Variants in CELF2 observed in about 807,000 individuals in gnomAD.
CELF2 encodes CUG triplet repeat RNA-binding protein 2.
In CELF2, 8 loss-of-function variants were observed where a neutral mutation model predicts 62.6. That is an observed-to-expected ratio of 0.13 (90% CI 0.07 to 0.23). CELF2 has a LOEUF of 0.23. Among genes scored for constraint, CELF2 ranks in the 10% least tolerant of loss-of-function variants. The pLI, the probability that CELF2 is intolerant of heterozygous loss-of-function variation, is 1.00. For synonymous variants in CELF2, 258 were observed against 250.0 expected (o/e 1.03, Z -0.30); for missense variants, 333 against 671.0 (o/e 0.50, Z 5.56).
At chr10:11,104,254 A>G (rs1405792161) in intron 1 of CELF2, among the ~76,000 whole-genome samples, 1 of 152,232 alleles carries the variant, frequency 6.6e-6, no homozygotes, top group African/African-American at 2.4e-5. Flanking sequence ...ATGTCCTAGA[A>G]TCTATTATAA....
chr10:10,693,755 G>C, the CELF2 span, among the ~76,000 whole-genome samples: 3 of 151,304 alleles, frequency 2.0e-5, no homozygotes, highest in Admixed American at 6.6e-5. Flanking sequence ...TGTATGTGTC[G>C]AGGAATTTAT....
chr10:10,886,237 A>G (rs981929746), intron 1 of CELF2, among the ~76,000 whole-genome samples: 1 of 152,030 alleles, frequency 6.6e-6, no homozygotes, highest in African/African-American at 2.4e-5. Flanking sequence ...AGCCCAAGTT[A>G]GTTATACCAG....
chr10:10,650,749 C>T, the CELF2 span, among the ~76,000 whole-genome samples: 2 of 152,202 alleles, frequency 1.3e-5, no homozygotes. Flanking sequence ...AATGATGCAA[C>T]CACTTTGGAA....
chr10:11,062,128 C>T (rs576168665), intron 1 of CELF2, among the ~76,000 whole-genome samples: 30 of 152,152 alleles, frequency 2.0e-4, no homozygotes, highest in African/African-American at 3.6e-4. Flanking sequence ...TTTATGCCTA[C>T]GGTTGAGACC....
chr10:10,598,383 T>C, the CELF2 span, among the ~76,000 whole-genome samples: 2 of 152,218 alleles, frequency 1.3e-5, no homozygotes, highest in African/African-American at 4.8e-5. Flanking sequence ...CTTCAGGGAA[T>C]TGGCAGTGAG....
intron 1 of CELF2, among the ~76,000 whole-genome samples, chr10:10,872,671 C>CA (rs539073613): frequency 0.011 from 1,694 of 150,722 alleles, 37 homozygotes; most frequent in African/African-American, 0.038. Context: ...ACAACAACAA[C>CA]AACAAAAAAC....
At chr10:11,197,422 A>G (rs1210527389) in intron 2 of CELF2, among the ~76,000 whole-genome samples, 5 of 152,270 alleles carry the variant, frequency 3.3e-5, no homozygotes, top group African/African-American at 7.2e-5. Flanking sequence ...TAAAATAAAC[A>G]GATACTAGGG....
intron 1 of CELF2, among the ~76,000 whole-genome samples, chr10:10,824,585 C>G (rs1258680976): frequency 6.6e-6 from 1 of 152,226 alleles, no homozygotes; most frequent in Non-Finnish European, 1.5e-5. Context: ...TGCACATTCT[C>G]TAACTGGAGC....
At chr10:11,254,229 CG>C (rs2078014186) in intron 4 of CELF2, among the ~76,000 whole-genome samples, 1 of 152,206 alleles carries the variant, frequency 6.6e-6, no homozygotes, top group Non-Finnish European at 1.5e-5. Flanking sequence ...AGAAGAAAGC[CG>C]GGTGTGTTCA....
chr10:10,610,282 C>T, the CELF2 span, among the ~76,000 whole-genome samples: 2 of 152,188 alleles, frequency 1.3e-5, no homozygotes, highest in African/African-American at 2.4e-5. Flanking sequence ...TTAAGATATT[C>T]ATGGTATGAA....
the CELF2 span, among the ~76,000 whole-genome samples, chr10:10,733,717 T>G: frequency 7.9e-5 from 12 of 152,106 alleles, no homozygotes; most frequent in Non-Finnish European, 1.2e-4. Flanking sequence ...TATAAAACCA[T>G]CAGATCTTGT....
chr10:10,945,529 C>G (rs576463469), intron 2 of CELF2, among the ~76,000 whole-genome samples: 1 of 152,154 alleles, frequency 6.6e-6, no homozygotes, highest in African/African-American at 2.4e-5. Flanking sequence ...AGAGACAAGC[C>G]GAGAACTACC....
At chr10:10,752,684 G>A in the CELF2 span, among the ~76,000 whole-genome samples, 14,282 of 79,336 alleles carry the variant, frequency 0.18, 1,144 homozygotes, top group Admixed American at 0.34. Flanking sequence ...GCAAGACTCC[G>A]TCTCAAAAAA....
chr10:11,043,793 G>A (rs915632739), intron 1 of CELF2, among the ~76,000 whole-genome samples: 9 of 152,196 alleles, frequency 5.9e-5, no homozygotes, highest in South Asian at 2.1e-4. Flanking sequence ...CTGGTCACCC[G>A]ACCATCATCT....
At chr10:10,716,828 G>T in the CELF2 span, among the ~76,000 whole-genome samples, 2 of 152,074 alleles carry the variant, frequency 1.3e-5, no homozygotes, top group Admixed American at 6.6e-5. Flanking sequence ...ACATTTTGAG[G>T]TTTTTTTCTG....
At chr10:10,806,975 G>A (rs1397336885) in intron 1 of CELF2, among the ~76,000 whole-genome samples, 1 of 152,122 alleles carries the variant, frequency 6.6e-6, no homozygotes, top group Admixed American at 6.5e-5. Context: ...CCCCCTTTTT[G>A]ATCAAAGATA....
chr10:11,079,742 C>CT, intron 1 of CELF2, among the ~76,000 whole-genome samples: 1 of 54,450 alleles, frequency 1.8e-5, no homozygotes, highest in African/African-American at 6.8e-5. Flanking sequence ...ACTAATACAG[C>CT]CCCCCCCCCC....
chr10:11,170,341 T>C (rs182576031), intron 2 of CELF2, among the ~76,000 whole-genome samples: 1 of 152,210 alleles, frequency 6.6e-6, no homozygotes, highest in East Asian at 1.9e-4. Context: ...AATAGGAAAT[T>C]TCTGAAGTCC....
In CELF2 at chr10:11,331,458, T is replaced by TG. The variant is rs1319386966; in HGVS notation, c.*2405_*2406insG. 3 of 152,346 alleles carry TG rather than the reference T, an allele frequency of 2.0e-5. No individual in the cohort carries two copies. Among genetic ancestry groups the TG allele is most frequent in the East Asian group, 3.8e-4 (2 of 5,200 alleles). The allele number at this position is 152,346 out of a possible 1,614,324, so 9.4% of individuals were successfully genotyped here. A position where few individuals can be genotyped will look rare whatever the true frequency, so the allele number is the denominator to read the frequency against. ...TGTTTGTGTTCAGCAAAATGTGATG[T>TG]TTTTTTCTTTTAAAGAAAAAAAGTG... On this transcript the variant is annotated 3_prime_UTR_variant, in exon 13 of 13. Coordinates refer to ENST00000633077, the MANE Select transcript of CELF2 (RefSeq NM_001326342.2).
Sources: gnomAD v4.1 joint callset for allele counts (sites outside exome capture counted in the v4.1 genomes callset) on GRCh38, gnomAD v4.1.1 for gene constraint, MANE v1.5 for transcripts, NCBI Gene and HGNC (gene_info 2026-07-23, HGNC 2026-07-21) for gene names.